PPP2R2B: variants seen among roughly 807,000 people sequenced by gnomAD.
PPP2R2B encodes the protein protein phosphatase 2 regulatory subunit Bbeta, also known as serine/threonine-protein phosphatase 2A 55 kDa regulatory subunit B beta isoform.
PPP2R2B carries 5 observed loss-of-function variants against 46.0 expected under a neutral mutation model. The observed-to-expected ratio is 0.11, with a 90% CI of 0.06 to 0.23. PPP2R2B has a LOEUF of 0.23. Ranked by LOEUF, PPP2R2B falls within the 10% of genes least tolerant of loss-of-function variation. The pLI, the probability that PPP2R2B is intolerant of heterozygous loss-of-function variation, is 1.00. For synonymous variants in PPP2R2B, 215 were observed against 206.7 expected (o/e 1.04, Z -0.34); for missense variants, 367 against 575.0 (o/e 0.64, Z 3.70).
At chr5:147,036,474 A>G (rs898422532) in intron 1 of PPP2R2B, among the ~76,000 whole-genome samples, 1 of 152,228 alleles carries the variant, frequency 6.6e-6, no homozygotes, top group African/African-American at 2.4e-5. Context: ...TGTAATGAAC[A>G]TATACATGCA....
chr5:146,728,749 G>A (rs1412888709), intron 2 of PPP2R2B, among the ~76,000 whole-genome samples: 31 of 152,134 alleles, frequency 2.0e-4, no homozygotes, highest in Admixed American at 2.0e-3. Context: ...TTTATCAGGG[G>A]TTTCCACTTT....
At chr5:146,614,039 C>G (rs1204070887) in intron 7 of PPP2R2B, among the ~76,000 whole-genome samples, 3 of 84,414 alleles carry the variant, frequency 3.6e-5, no homozygotes, top group Admixed American at 2.5e-4. Context: ...GCCCGCATCG[C>G]CAAGTCAATC....
chr5:147,023,176 G>T (rs1479429953), intron 1 of PPP2R2B, among the ~76,000 whole-genome samples: 1 of 152,124 alleles, frequency 6.6e-6, no homozygotes, highest in South Asian at 2.1e-4. Context: ...AAGACATGCT[G>T]TTGTAAGGTT....
chr5:146,752,039 G>C (rs1018929688), intron 2 of PPP2R2B, among the ~76,000 whole-genome samples: 14 of 152,242 alleles, frequency 9.2e-5, no homozygotes, highest in African/African-American at 2.9e-4. Context: ...TCAGTGTAAG[G>C]AGGAGCCACA....
Position 147,081,217 on chromosome 5 carries a change from A to G in PPP2R2B, c.-29+40T>C, listed in dbSNP as rs1461187470. 3.3e-6 allele frequency: 5 copies of G among 1,535,492 alleles called. No homozygotes were observed. In the Admixed American group the frequency reaches 5.9e-5, roughly 18 times the overall value. On this transcript the variant is annotated intron_variant, in intron 1 of 10. Coordinates refer to the PPP2R2B transcript ENST00000394413. ...AAGAGACCAACAAGAAAAGAAATATATAGCAGAATCTATGCATTTCTAAAA... is the reference window on the plus strand; with the variant it reads ...AAGAGACCAACAAGAAAAGAAATATGTAGCAGAATCTATGCATTTCTAAAA...
intron 1 of PPP2R2B, among the ~76,000 whole-genome samples, chr5:147,031,248 C>A (rs1380977564): frequency 2.0e-5 from 3 of 151,838 alleles, no homozygotes; most frequent in Non-Finnish European, 2.9e-5. Flanking sequence ...AAAAAAAAAT[C>A]TTTATTTTGC....
In PPP2R2B at chr5:146,847,450, T is replaced by G. The variant is rs150626107; in HGVS notation, c.70+30552A>C. On this transcript the variant is annotated intron_variant, in intron 2 of 9. Transcript: ENST00000394411. ...GAACCCACATCCATTACTCTCCTTTTATCTGGTCAACTTCTACTCTATTCT... is the reference window on the plus strand; with the variant it reads ...GAACCCACATCCATTACTCTCCTTTGATCTGGTCAACTTCTACTCTATTCT... Among the ~76,000 whole-genome samples the G allele has an allele frequency of 1.1e-3, 163 of 152,292 alleles. 1 individual carries two copies. Among genetic ancestry groups the G allele is most frequent in the African/African-American group, 3.8e-3 (158 of 41,570 alleles).
At chr5:147,065,495 C>T (rs561781557) in intron 2 of PPP2R2B, among the ~76,000 whole-genome samples, 28 of 152,092 alleles carry the variant, frequency 1.8e-4, no homozygotes, top group African/African-American at 6.5e-4. Flanking sequence ...CATATGTACA[C>T]ACTGGAGATG....
chr5:146,672,775 C>T (rs1421195669), intron 5 of PPP2R2B, among the ~76,000 whole-genome samples: 1 of 152,154 alleles, frequency 6.6e-6, no homozygotes, highest in Non-Finnish European at 1.5e-5. Context: ...TTTCCAAGTT[C>T]TATAAAGACT....
At chr5:147,029,611 C>G (rs956125960) in intron 1 of PPP2R2B, among the ~76,000 whole-genome samples, 3 of 152,092 alleles carry the variant, frequency 2.0e-5, no homozygotes, top group Admixed American at 2.0e-4. Flanking sequence ...ACCCTAACCT[C>G]CCAATGTGAC....
chr5:146,867,893 A>G (rs1761400600), intron 2 of PPP2R2B, among the ~76,000 whole-genome samples: 2 of 152,250 alleles, frequency 1.3e-5, no homozygotes. Flanking sequence ...TTCCTACTTT[A>G]TAATAGTGGA....
intron 1 of PPP2R2B, among the ~76,000 whole-genome samples, chr5:146,934,993 T>A (rs1246931341): frequency 6.6e-6 from 1 of 152,180 alleles, no homozygotes; most frequent in Non-Finnish European, 1.5e-5. Context: ...ATTGATTAAT[T>A]TATGCATTTA....
Position 146,798,708 on chromosome 5 carries a change from C to T in PPP2R2B, c.70+79294G>A, listed in dbSNP as rs79239834. ...ACTTAAGAATGCTCTAGGCACATAG[C>T]GAGATGCTTTGCTTGGATTATCTCT... is the stretch of plus-strand genomic sequence containing the variant. On this transcript the variant is annotated intron_variant, in intron 2 of 9. Coordinates refer to ENST00000394411, the MANE Select transcript of PPP2R2B (RefSeq NM_181675.4). Among the ~76,000 whole-genome samples the T allele has an allele frequency of 8.0e-4, 122 of 152,248 alleles. 2 individuals carry two copies. The South Asian group carries it at 0.022, about 28-fold the overall frequency.
At chr5:146,712,800 T>C (rs1020034727) in intron 2 of PPP2R2B, among the ~76,000 whole-genome samples, 2 of 152,024 alleles carry the variant, frequency 1.3e-5, no homozygotes, top group Non-Finnish European at 2.9e-5. Context: ...CGGTCAAGGG[T>C]ATATGAGTAG....
chr5:147,069,439 A>G (rs1435114928), intron 2 of PPP2R2B, among the ~76,000 whole-genome samples: 1 of 152,098 alleles, frequency 6.6e-6, no homozygotes, highest in Non-Finnish European at 1.5e-5. Flanking sequence ...TTCCCATTGT[A>G]CCCAGAATAA....
At chr5:147,055,727 C>T (rs777603267) in exon 1 of PPP2R2B, 6 of 1,613,122 alleles carry the variant, frequency 3.7e-6, no homozygotes, top group Non-Finnish European at 2.5e-6. Context: ...AGGCAGGTAA[C>T]GAGAGAAGCA....
chr5:146,992,319 C>T (rs1348536078), intron 1 of PPP2R2B, among the ~76,000 whole-genome samples: 1 of 152,156 alleles, frequency 6.6e-6, no homozygotes, highest in Admixed American at 6.5e-5. Flanking sequence ...TACTTTATTT[C>T]TAAAAGATAT....
intron 2 of PPP2R2B, among the ~76,000 whole-genome samples, chr5:147,061,462 T>C (rs994214553): frequency 2.0e-5 from 3 of 152,208 alleles, no homozygotes; most frequent in Admixed American, 6.5e-5. Flanking sequence ...TTTAACTAAC[T>C]ACCTACAGAT....
intron 1 of PPP2R2B, among the ~76,000 whole-genome samples, chr5:146,926,268 G>A (rs1382232152): frequency 1.3e-5 from 2 of 151,960 alleles, no homozygotes; most frequent in African/African-American, 4.8e-5. Flanking sequence ...TATGGTGGTT[G>A]TTGCTGGTAT....
Sources: gnomAD v4.1 joint callset for allele counts (sites outside exome capture counted in the v4.1 genomes callset) on GRCh38, gnomAD v4.1.1 for gene constraint, MANE v1.5 for transcripts, NCBI Gene and HGNC (gene_info 2026-07-23, HGNC 2026-07-21) for gene names.